The following RAB40C variants were observed in gnomAD, a reference collection of about 807,000 sequenced individuals.
RAB40C encodes RAB40C, member RAS oncogene family, also known as ras-related protein Rab-40C.
Under a neutral mutation model 28.1 loss-of-function variants are expected in RAB40C, and 8 were observed. That is an observed-to-expected ratio of 0.28 (90% CI 0.17 to 0.51). The LOEUF is 0.51. Among genes scored for constraint, RAB40C ranks in the 20% least tolerant of loss-of-function variants. RAB40C has a pLI of 0.97. For missense variants in RAB40C, 288 were observed against 405.9 expected (o/e 0.71, Z 2.50); for synonymous variants, 201 against 171.7 (o/e 1.17, Z -1.34).
At chr16:595,325 G>A (rs1228014044) in intron 1 of RAB40C, among the ~76,000 whole-genome samples, 1 of 152,222 alleles carries the variant, frequency 6.6e-6, no homozygotes, top group African/African-American at 2.4e-5. Context: ...AGGCTCAGGA[G>A]GCGGCAGCTG....
intron 3 of RAB40C, among the ~76,000 whole-genome samples, chr16:621,493 C>A (rs1001497605): frequency 3.9e-5 from 6 of 152,272 alleles, no homozygotes; most frequent in Non-Finnish European, 5.9e-5. Flanking sequence ...GGCCACTCCC[C>A]GCTGCCGTCA....
intron 2 of RAB40C, 29 bp downstream of exon 2, chr16:617,297 C>T (rs2036607623): frequency 6.2e-7 from 1 of 1,613,098 alleles, no homozygotes; most frequent in Non-Finnish European, 8.5e-7. Flanking sequence ...ACTTCAGTTC[C>T]TGGGTGAGGA....
rs1167472628 is a variant in RAB40C, at chr16:614,825, C to T, written c.143-2383C>T. ...CCGACGGTGAACTGCCAAACTCTAC[C>T]TCGTCCCAGTGGTGAACTGCTAACT... On this transcript the variant is annotated intron_variant, in intron 1 of 5. Transcript: ENST00000248139. Among the ~76,000 whole-genome samples, 3 of 152,024 alleles carry T rather than the reference C, an allele frequency of 2.0e-5. No homozygotes were observed. In the East Asian group the frequency reaches 5.8e-4, roughly 29 times the overall value.
chr16:626,156 C>T lies in RAB40C; in HGVS notation c.565+35C>T, dbSNP rs111651971. The T allele has an allele frequency of 1.8e-5, 28 of 1,577,146 alleles. 1 individual carries two copies. In the African/African-American group the frequency reaches 2.0e-4, roughly 11 times the overall value. On this transcript the variant is annotated intron_variant, in intron 5 of 5. Coordinates refer to ENST00000248139, the MANE Select transcript of RAB40C (RefSeq NM_021168.5). ...CGGGCGCCGGCCAGCCCTGAGGTCCCCGAACCTGGGCTGCCCTGATCACAT... is the reference window on the plus strand; with the variant it reads ...CGGGCGCCGGCCAGCCCTGAGGTCCTCGAACCTGGGCTGCCCTGATCACAT...
At position 590,297 on chromosome 16, in the gene RAB40C, C is replaced by T. The variant is rs2151054832; in HGVS notation, c.6C>T (p.Gly2=). The T allele has an allele frequency of 6.5e-7, 1 of 1,535,772 alleles. No individual in the cohort carries two copies. Among genetic ancestry groups the T allele is most frequent in the East Asian group, 2.7e-5 (1 of 37,510 alleles). M[G]SQGSPVKSYD... Reference sequence around the variant, plus strand: ...GGGGCGCAGGCGGCGCGGCCATGGGCTCGCAGGGCAGTCCGGTGAAGAGCT... The same window carrying T: ...GGGGCGCAGGCGGCGCGGCCATGGGTTCGCAGGGCAGTCCGGTGAAGAGCT... Residue 2 remains glycine, a synonymous_variant, in exon 1 of 6, where the codon GGC becomes GGT. Coordinates refer to ENST00000248139, the MANE Select transcript of RAB40C (RefSeq NM_021168.5).
intron 1 of RAB40C, among the ~76,000 whole-genome samples, chr16:592,193 T>C (rs1286737485): frequency 6.6e-6 from 1 of 152,226 alleles, no homozygotes; most frequent in Admixed American, 6.5e-5. Context: ...GCTTTGTTTC[T>C]TGGGCTCTTG....
At chr16:598,911 C>T (rs546946238) in intron 1 of RAB40C, among the ~76,000 whole-genome samples, 18 of 152,330 alleles carry the variant, frequency 1.2e-4, no homozygotes, top group African/African-American at 4.1e-4. Flanking sequence ...GCTCCAGCAG[C>T]GTGGGTAACC....
At chr16:589,574 C>G (rs2035944853), upstream of RAB40C, 1 of 152,260 alleles carries the variant, frequency 6.6e-6, no homozygotes, top group Non-Finnish European at 1.5e-5. Context: ...GTTAGCAGAG[C>G]CGTGATGGAC....
Position 601,438 on chromosome 16 carries a change from G to A in RAB40C, c.142+11005G>A, listed in dbSNP as rs118186438. Among the ~76,000 whole-genome samples, 97 of 152,204 alleles carry A rather than the reference G, an allele frequency of 6.4e-4. 6 individuals are homozygous for A. In the South Asian group the frequency reaches 0.011, roughly 18 times the overall value. On this transcript the variant is annotated intron_variant, in intron 1 of 5. Transcript: ENST00000248139. Reference sequence around the variant, plus strand: ...TCCAGAGCCCGGGTCGCCAGGATCCGGCTCAGAGTGTGAGTTTGCTCAGGT... The same window carrying A: ...TCCAGAGCCCGGGTCGCCAGGATCCAGCTCAGAGTGTGAGTTTGCTCAGGT...
chr16:621,170 C>T (rs2036708117), intron 3 of RAB40C, among the ~76,000 whole-genome samples: 1 of 152,168 alleles, frequency 6.6e-6, no homozygotes, highest in Non-Finnish European at 1.5e-5. Context: ...CTTCCTTGCC[C>T]CGGGAGAAGC....
intron 1 of RAB40C, among the ~76,000 whole-genome samples, chr16:592,687 G>A (rs996407599): frequency 2.0e-5 from 3 of 152,256 alleles, no homozygotes; most frequent in Non-Finnish European, 2.9e-5. Flanking sequence ...GGCGGCGTGC[G>A]TGTTTGTGCA....
At position 627,771 on chromosome 16, in the gene RAB40C, G is replaced by T; in HGVS notation, c.*149G>T. 1.9e-6 allele frequency: 2 copies of T among 1,050,554 alleles called. No individual in the cohort carries two copies. Among genetic ancestry groups the T allele is most frequent in the Non-Finnish European group, 2.6e-6 (2 of 761,748 alleles). The allele number at this position is 1,050,554 out of a possible 1,614,324, so 65.1% of individuals were successfully genotyped here. A position where few individuals can be genotyped will look rare whatever the true frequency, so the allele number is the denominator to read the frequency against. On this transcript the variant is annotated 3_prime_UTR_variant, in exon 6 of 6. Transcript: ENST00000248139. ...CTTTCCTCACACCTGAGCCGGGTGC[G>T]AGGAGGAGCATGCACGGACCAAGCG... is the stretch of plus-strand genomic sequence containing the variant.
intron 1 of RAB40C, among the ~76,000 whole-genome samples, chr16:615,237 G>A (rs535986652): frequency 4.6e-5 from 7 of 152,294 alleles, no homozygotes; most frequent in Non-Finnish European, 1.0e-4. Flanking sequence ...AGCCTTTGAT[G>A]TACATGTAGG....
chr16:617,849 GAA>G (rs373035221), intron 2 of RAB40C, among the ~76,000 whole-genome samples: 1 of 140,628 alleles, frequency 7.1e-6, no homozygotes, highest in African/African-American at 2.6e-5. Flanking sequence ...TCTCAAAAAA[GAA>G]AAAAAAAAAA....
chr16:604,927 T>C (rs554943704), intron 1 of RAB40C, among the ~76,000 whole-genome samples: 1 of 152,170 alleles, frequency 6.6e-6, no homozygotes, highest in Admixed American at 6.5e-5. Context: ...GGTGTGGTGG[T>C]GGTGCTTGTG....
chr16:591,701 C>T (rs912232329), intron 1 of RAB40C, among the ~76,000 whole-genome samples: 3 of 151,970 alleles, frequency 2.0e-5, no homozygotes, highest in Non-Finnish European at 4.4e-5. Context: ...AAGCGATTCC[C>T]CTGTCTCAGC....
At chr16:617,299 G>A in intron 2 of RAB40C, 31 bp downstream of exon 2, 1 of 1,612,682 alleles carries the variant, frequency 6.2e-7, no homozygotes, top group Non-Finnish European at 8.5e-7. Flanking sequence ...TTCAGTTCCT[G>A]GGTGAGGACA....
intron 5 of RAB40C, 132 bp downstream of exon 5, chr16:626,253 C>T (rs576229926): frequency 6.3e-5 from 55 of 869,698 alleles, no homozygotes; most frequent in African/African-American, 2.8e-4. Flanking sequence ...AGTAGGGGCT[C>T]GGCCGGCGGC....
In RAB40C at chr16:624,778, C is replaced by T. The variant is rs914011060; in HGVS notation, c.265-654C>T. Reference sequence around the variant, plus strand: ...GGGCCTGTGATGTCACCGTTTCGCCCGACAGGGCTCTGAGTGTGAGCAGTG... The same window carrying T: ...GGGCCTGTGATGTCACCGTTTCGCCTGACAGGGCTCTGAGTGTGAGCAGTG... On this transcript the variant is annotated intron_variant, in intron 3 of 5. Transcript: ENST00000248139. The T allele has an allele frequency of 1.2e-4, 122 of 985,444 alleles. No homozygotes were observed. In the Middle Eastern group the frequency reaches 1.6e-3, roughly 13 times the overall value. The allele number at this position is 985,444 out of a possible 1,614,324, so 61.0% of individuals were successfully genotyped here. A position where few individuals can be genotyped will look rare whatever the true frequency, so the allele number is the denominator to read the frequency against.
Sources: gnomAD v4.1 joint callset for allele counts (sites outside exome capture counted in the v4.1 genomes callset) on GRCh38, gnomAD v4.1.1 for gene constraint, MANE v1.5 for transcripts, NCBI Gene and HGNC (gene_info 2026-07-23, HGNC 2026-07-21) for gene names.